The following DTNA variants were observed in gnomAD, a reference collection of about 807,000 sequenced individuals.
The protein encoded by DTNA is dystrophin-related protein 3.
In DTNA, 43 loss-of-function variants were observed where a neutral mutation model predicts 100.7. The ratio of observed to expected loss-of-function variants is 0.43; its 90% CI spans 0.33 to 0.55. The LOEUF is 0.55. Ranked by LOEUF, DTNA falls within the 20% of genes least tolerant of loss-of-function variation. DTNA has a pLI of 0.04. For missense variants in DTNA, 798 were observed against 953.9 expected (o/e 0.84, Z 2.15); for synonymous variants, 349 against 347.9 (o/e 1.00, Z -0.04).
At chr18:34,715,774 G>A (rs565252140) in intron 1 of DTNA, among the ~76,000 whole-genome samples, 1 of 151,864 alleles carries the variant, frequency 6.6e-6, no homozygotes, top group African/African-American at 2.4e-5. Flanking sequence ...AAAGATAAAT[G>A]GCAAATTAGA....
intron 1 of DTNA, among the ~76,000 whole-genome samples, chr18:34,634,286 C>T (rs984744303): frequency 6.6e-6 from 1 of 152,002 alleles, no homozygotes; most frequent in Non-Finnish European, 1.5e-5. Context: ...CAAAGGACTT[C>T]GTTTGTACAG....
At chr18:34,541,870 A>G (rs896810865) in intron 1 of DTNA, among the ~76,000 whole-genome samples, 3 of 152,038 alleles carry the variant, frequency 2.0e-5, no homozygotes, top group Non-Finnish European at 2.9e-5. Flanking sequence ...CCAGAGTAAA[A>G]AAGCTGCAAG....
At chr18:34,717,956 G>C (rs1349946679) in intron 1 of DTNA, among the ~76,000 whole-genome samples, 1 of 152,218 alleles carries the variant, frequency 6.6e-6, no homozygotes, top group Non-Finnish European at 1.5e-5. Flanking sequence ...AAGTATGAGG[G>C]AGGTTATGAG....
intron 1 of DTNA, among the ~76,000 whole-genome samples, chr18:34,568,979 C>T (rs1396065201): frequency 6.6e-6 from 1 of 152,206 alleles, no homozygotes. Context: ...AATCAAGACT[C>T]TTGAACATCT....
chr18:34,838,105 A>G lies in DTNA; in HGVS notation c.1187A>G (p.Lys396Arg). The change falls in exon 12 of 23, where the codon AAG becomes AGG. Residue 396 changes from lysine to arginine, a missense_variant. Lys to Arg is a conservative substitution (Grantham distance 26). Around this residue, in one of 6 missense-constraint regions of DTNA, gnomAD observed 159 missense variants for 201.2 expected, o/e 0.79. Transcript: ENST00000444659. ...QLDHGARSPP[K>R]DSEVEQNKLL... ...ATCTTATTAACTAGCTCTCCTCCCA[A>G]GGACAGTGAAGTAGAGCAGAACAAA... 2 of 1,613,828 alleles carry G rather than the reference A, an allele frequency of 1.2e-6. No individual in the cohort carries two copies. The highest frequency in any genetic ancestry group is 1.7e-6 in the Non-Finnish European group (2 of 1,179,818).
At chr18:34,544,279 G>A (rs1198634339) in intron 1 of DTNA, among the ~76,000 whole-genome samples, 2 of 151,936 alleles carry the variant, frequency 1.3e-5, no homozygotes. Flanking sequence ...ACACTATAGT[G>A]TTATATATTT....
chr18:34,590,803 A>G (rs754858311), intron 1 of DTNA, among the ~76,000 whole-genome samples: 3 of 152,334 alleles, frequency 2.0e-5, no homozygotes, highest in Non-Finnish European at 4.4e-5. Context: ...TTTACTCACG[A>G]TAAAGACTGA....
intron 1 of DTNA, among the ~76,000 whole-genome samples, chr18:34,690,918 C>T (rs962305973): frequency 6.6e-6 from 1 of 152,158 alleles, no homozygotes; most frequent in African/African-American, 2.4e-5. Flanking sequence ...AACATAGGCA[C>T]TATTTTTATC....
At chr18:34,813,423 G>A (rs372365993) in intron 6 of DTNA, among the ~76,000 whole-genome samples, 4 of 146,170 alleles carry the variant, frequency 2.7e-5, no homozygotes, top group East Asian at 4.0e-4. Flanking sequence ...CAGCCTGGGC[G>A]ACAGAGCAAG....
At chr18:34,843,725 T>A (rs528042967) in intron 13 of DTNA, among the ~76,000 whole-genome samples, 8 of 152,214 alleles carry the variant, frequency 5.3e-5, no homozygotes, top group Admixed American at 2.0e-4. Flanking sequence ...TCATATGCTT[T>A]AGCATATGAA....
chr18:34,817,941 G>A (rs549617671), intron 7 of DTNA: 3 of 1,414,778 alleles, frequency 2.1e-6, no homozygotes, highest in Admixed American at 2.5e-5. Context: ...TTGTTAAAAG[G>A]ACACCTCTTC....
chr18:34,751,991 G>T (rs1031996925), intron 1 of DTNA, among the ~76,000 whole-genome samples: 2 of 152,178 alleles, frequency 1.3e-5, no homozygotes, highest in Non-Finnish European at 2.9e-5. Flanking sequence ...TAATTTGTGG[G>T]ACTGAGCTTT....
intron 1 of DTNA, among the ~76,000 whole-genome samples, chr18:34,620,180 T>G (rs953243241): frequency 6.6e-6 from 1 of 152,234 alleles, no homozygotes; most frequent in East Asian, 1.9e-4. Context: ...TAGTTTGCAC[T>G]GGGGTAAAAG....
At chr18:34,699,573 A>G (rs1255745230) in intron 1 of DTNA, among the ~76,000 whole-genome samples, 1 of 152,278 alleles carries the variant, frequency 6.6e-6, no homozygotes, top group East Asian at 1.9e-4. Flanking sequence ...CATAAAATTC[A>G]CTGTCACACA....
intron 1 of DTNA, among the ~76,000 whole-genome samples, chr18:34,534,663 G>T (rs1203073643): frequency 6.6e-6 from 1 of 151,776 alleles, no homozygotes; most frequent in East Asian, 1.9e-4. Context: ...CCCCCTACAG[G>T]CTCTGGTGCG....
intron 1 of DTNA, among the ~76,000 whole-genome samples, chr18:34,497,531 G>T (rs1437738007): frequency 6.6e-6 from 1 of 152,144 alleles, no homozygotes; most frequent in Non-Finnish European, 1.5e-5. Flanking sequence ...CTGTCACATA[G>T]TTTGAGATGG....
intron 8 of DTNA, among the ~76,000 whole-genome samples, chr18:34,820,275 C>T (rs915700069): frequency 6.6e-5 from 10 of 152,238 alleles, no homozygotes; most frequent in East Asian, 3.9e-4. Flanking sequence ...AAGCCTATTT[C>T]CTCACAAACC....
chr18:34,575,618 A>G lies in DTNA; in HGVS notation c.-2+82104A>G, dbSNP rs142226300. ...TATAAAAGTAATTTTCCATTTCCCT[A>G]AAGTTTGGATTTTTCATCGAAATTT... On this transcript the variant is annotated intron_variant, in intron 1 of 19. Transcript: ENST00000283365. Among the ~76,000 whole-genome samples the G allele has an allele frequency of 1.9e-3, 288 of 152,208 alleles. 1 individual carries two copies. The highest frequency in any genetic ancestry group is 6.4e-3 in the African/African-American group (264 of 41,538).
intron 1 of DTNA, among the ~76,000 whole-genome samples, chr18:34,697,271 C>T (rs568382042): frequency 2.0e-5 from 3 of 152,258 alleles, no homozygotes; most frequent in East Asian, 3.9e-4. Flanking sequence ...TGCTCAAGGC[C>T]GTGCAGTAAA....
Sources: gnomAD v4.1 joint callset for allele counts (sites outside exome capture counted in the v4.1 genomes callset) on GRCh38, gnomAD v4.1.1 for gene constraint, gnomAD v4.1.1 regional missense constraint, MANE v1.5 for transcripts, NCBI Gene and HGNC (gene_info 2026-07-23, HGNC 2026-07-21) for gene names.